TTC7A: variants seen among roughly 807,000 people sequenced by gnomAD.
TTC7A encodes tetratricopeptide repeat protein 7A.
TTC7A carries 110 observed loss-of-function variants against 103.7 expected under a neutral mutation model. The ratio of observed to expected loss-of-function variants is 1.06; its 90% confidence interval spans 0.91 to 1.24. TTC7A has a LOEUF of 1.24. Among genes scored for constraint, TTC7A ranks in the 50% most tolerant of loss-of-function variants. The pLI is 0.00. For synonymous variants in TTC7A, 521 were observed against 467.9 expected, an observed-to-expected ratio of 1.11 and a Z score of -1.47; for missense variants, 1,340 against 1,116.3, an observed-to-expected ratio of 1.20 and a Z score of -2.86.
At chr2:47,059,927 TGA>T (rs1046661618) in intron 18 of TTC7A, among the ~76,000 whole-genome samples, 2 of 152,094 alleles carry the variant, frequency 1.3e-5, no homozygotes, top group African/African-American at 4.8e-5. Context: ...GAGACTGAGG[TGA>T]GAGGATCTCT....
intron 1 of TTC7A, among the ~76,000 whole-genome samples, chr2:46,943,032 A>G (rs1363262430): frequency 6.6e-6 from 1 of 151,994 alleles, no homozygotes; most frequent in Non-Finnish European, 1.5e-5. Flanking sequence ...CAGCCTCCCA[A>G]GTAGCTGGGA....
chr2:47,007,682 G>A lies in TTC7A; in HGVS notation c.1287+958G>A, dbSNP rs1381809157. Among the ~76,000 whole-genome samples, 1 of 152,194 alleles carries A rather than the reference G, an allele frequency of 6.6e-6. No homozygotes were observed. The highest frequency in any genetic ancestry group is 1.5e-5 in the Non-Finnish European group (1 of 68,028). On this transcript the variant is annotated intron_variant, in intron 10 of 19. Coordinates refer to ENST00000319190, the MANE Select transcript of TTC7A (RefSeq NM_020458.4). The surrounding 1 kb of genome is among the most constrained non-coding windows in gnomAD (Gnocchi z 4.9). ...CGGCAGCCGAGGCAGGCCAGGCCCTGGCAGGGAGGGGGAAGAGGAGCAGGT... is the reference window on the plus strand; with the variant it reads ...CGGCAGCCGAGGCAGGCCAGGCCCTAGCAGGGAGGGGGAAGAGGAGCAGGT...
At chr2:47,052,749 T>C (rs1225163724) in intron 18 of TTC7A, among the ~76,000 whole-genome samples, 1 of 152,130 alleles carries the variant, frequency 6.6e-6, no homozygotes, top group Non-Finnish European at 1.5e-5. Flanking sequence ...AATGGACCCC[T>C]AAAGTACCCC....
intron 8 of TTC7A, among the ~76,000 whole-genome samples, chr2:47,005,454 C>T (rs900127202): frequency 8.5e-5 from 13 of 152,154 alleles, no homozygotes; most frequent in Non-Finnish European, 1.9e-4. Context: ...GCCTGTGCTC[C>T]TCAAAAATGC....
At chr2:47,073,213 C>T (rs1284840935) in intron 19 of TTC7A, among the ~76,000 whole-genome samples, 2 of 152,198 alleles carry the variant, frequency 1.3e-5, no homozygotes, top group South Asian at 4.1e-4. Context: ...TGAAGGGCAG[C>T]TCTGGGCAGC....
intron 11 of TTC7A, among the ~76,000 whole-genome samples, chr2:47,016,827 C>A (rs1289752664): frequency 2.0e-5 from 3 of 152,176 alleles, no homozygotes; most frequent in Admixed American, 2.0e-4. Flanking sequence ...CTGGGCCAGT[C>A]TGCAGCCATC....
intron 2 of TTC7A, among the ~76,000 whole-genome samples, chr2:46,952,843 C>T (rs1339042327): frequency 6.6e-6 from 1 of 152,206 alleles, no homozygotes; most frequent in Non-Finnish European, 1.5e-5. Flanking sequence ...TGATGTGCAT[C>T]TCCTATGCCT....
At chr2:46,956,689 C>G (rs1000047020) in intron 2 of TTC7A, 150 bp from the exon 3 acceptor site, 7 of 755,958 alleles carry the variant, frequency 9.3e-6, no homozygotes, top group African/African-American at 3.5e-5. Flanking sequence ...GGGGAGCTGT[C>G]GGCATGTGCT....
chr2:47,017,200 C>CA (rs70940652), intron 11 of TTC7A, among the ~76,000 whole-genome samples: 757 of 35,528 alleles, frequency 0.021, 30 homozygotes, highest in South Asian at 0.062. Context: ...CACTCTGTCT[C>CA]AAAAAAAAAA....
intron 2 of TTC7A, among the ~76,000 whole-genome samples, chr2:46,924,014 G>T (rs1669254053): frequency 6.6e-6 from 1 of 151,960 alleles, no homozygotes; most frequent in South Asian, 2.1e-4. Context: ...GGGATTACAG[G>T]TGTGAGCCAC....
intron 15 of TTC7A, among the ~76,000 whole-genome samples, chr2:47,033,792 G>C (rs1389386362): frequency 6.6e-6 from 1 of 152,212 alleles, no homozygotes; most frequent in African/African-American, 2.4e-5. Context: ...CCAACAGCGT[G>C]AGGCTGTATC....
At chr2:46,964,651 G>A (rs1336867548) in intron 3 of TTC7A, among the ~76,000 whole-genome samples, 3 of 152,084 alleles carry the variant, frequency 2.0e-5, no homozygotes, top group Non-Finnish European at 2.9e-5. Flanking sequence ...CCACTTTTTT[G>A]TTGGTCTGAG....
At chr2:46,950,266 TG>T in intron 1 of TTC7A, 96 bp from the exon 2 acceptor site, 1 of 1,258,788 alleles carries the variant, frequency 7.9e-7, no homozygotes, top group Non-Finnish European at 1.1e-6. Flanking sequence ...ATTCATGTAC[TG>T]GGTATGGGTG....
At chr2:46,949,999 G>A (rs770087994) in intron 1 of TTC7A, among the ~76,000 whole-genome samples, 1 of 152,108 alleles carries the variant, frequency 6.6e-6, no homozygotes, top group Non-Finnish European at 1.5e-5. Flanking sequence ...CAATCATTTG[G>A]GGAGAATTCT....
chr2:47,061,021 G>A (rs375253297), intron 19 of TTC7A, 50 bp downstream of exon 19: 9 of 1,518,192 alleles, frequency 5.9e-6, no homozygotes, highest in Admixed American at 4.0e-5. Flanking sequence ...CAGCCTCAGG[G>A]CCCTTATCCC....
Position 46,956,750 on chromosome 2 carries a change from C to G in TTC7A, c.349-89C>G, listed in dbSNP as rs184513184. Reference sequence around the variant, plus strand: ...GGAGGAGGGGAGTTCTGAGCAAGGTCTGAGGCAAACAAGGTCCAGGTTCAG... The same window carrying G: ...GGAGGAGGGGAGTTCTGAGCAAGGTGTGAGGCAAACAAGGTCCAGGTTCAG... On this transcript the variant is annotated intron_variant, in intron 2 of 19. Coordinates refer to ENST00000319190, the MANE Select transcript of TTC7A (RefSeq NM_020458.4). The G allele has an allele frequency of 9.5e-5, 139 of 1,468,038 alleles. No individual in the cohort carries two copies. The African/African-American group carries it at 1.8e-3, about 19-fold the overall frequency. 90.9% of individuals were successfully genotyped at this position (1,468,038 alleles called of 1,614,324 possible).
chr2:46,916,030 C>T (rs1013150238), upstream of TTC7A: 3 of 985,466 alleles, frequency 3.0e-6, no homozygotes, highest in African/African-American at 1.7e-5. Flanking sequence ...GGCCGCTGGA[C>T]GCCCTAGGGG....
chr2:47,014,708 A>G (rs1678454360), intron 11 of TTC7A, among the ~76,000 whole-genome samples: 1 of 152,224 alleles, frequency 6.6e-6, no homozygotes, highest in South Asian at 2.1e-4. Flanking sequence ...GGCTCACGTC[A>G]GCCCCCAGCA....
intron 6 of TTC7A, among the ~76,000 whole-genome samples, chr2:46,993,776 C>G (rs923740828): frequency 6.6e-6 from 1 of 152,166 alleles, no homozygotes; most frequent in African/African-American, 2.4e-5. Flanking sequence ...CAGCGCTTCC[C>G]TGGGCAAACT....
Sources: gnomAD v4.1 joint callset for allele counts (sites outside exome capture counted in the v4.1 genomes callset) on GRCh38, gnomAD v4.1.1 for gene constraint, Gnocchi (gnomAD v3.1) non-coding constraint, MANE v1.5 for transcripts, NCBI Gene and HGNC (gene_info 2026-07-23, HGNC 2026-07-21) for gene names.